The following USP49 variants were observed in gnomAD, a reference collection of about 807,000 sequenced individuals.
USP49 encodes the protein ubiquitin specific peptidase 49, also known as ubiquitin carboxyl-terminal hydrolase 49.
Under a neutral mutation model 58.6 loss-of-function variants are expected in USP49, and 24 were observed. That is an observed-to-expected ratio of 0.41 (90% CI 0.30 to 0.58). The LOEUF (loss-of-function observed/expected upper bound fraction) is 0.58, where lower values mean the gene tolerates loss of function less well. Among genes scored for constraint, USP49 ranks in the 20% least tolerant of loss-of-function variants. The pLI, the probability that USP49 is intolerant of heterozygous loss-of-function variation, is 0.30. For missense variants in USP49, 703 were observed against 866.1 expected (o/e 0.81, Z 2.36); for synonymous variants, 408 against 365.1 (o/e 1.12, Z -1.34).
intron 3 of USP49, among the ~76,000 whole-genome samples, chr6:41,820,995 C>T (rs775407204): frequency 8.6e-5 from 13 of 152,034 alleles, no homozygotes; most frequent in Non-Finnish European, 1.8e-4. Context: ...GAGCAAGACC[C>T]TGTCTCAAAA....
At chr6:41,841,147 C>T (rs1458577919) in intron 3 of USP49, among the ~76,000 whole-genome samples, 1 of 152,140 alleles carries the variant, frequency 6.6e-6, no homozygotes, top group Admixed American at 6.6e-5. Flanking sequence ...TACTCATTGT[C>T]TGTCTCCCAA....
intron 3 of USP49, among the ~76,000 whole-genome samples, chr6:41,835,937 G>A (rs902866168): frequency 6.6e-6 from 1 of 152,002 alleles, no homozygotes; most frequent in Non-Finnish European, 1.5e-5. Context: ...AATTAGCTGG[G>A]CATGGTAATG....
intron 3 of USP49, among the ~76,000 whole-genome samples, chr6:41,855,327 C>G (rs1774107830): frequency 6.6e-6 from 1 of 151,712 alleles, no homozygotes; most frequent in South Asian, 2.1e-4. Context: ...CCTGCCTGAC[C>G]AACATGGTGA....
chr6:41,832,944 T>C (rs1334352766), intron 3 of USP49: 1 of 152,210 alleles, frequency 6.6e-6, no homozygotes, highest in Non-Finnish European at 1.5e-5. Flanking sequence ...GCATCACTGA[T>C]TTTCTTGGCT....
chr6:41,839,890 A>T (rs1773792314), intron 3 of USP49, among the ~76,000 whole-genome samples: 1 of 152,096 alleles, frequency 6.6e-6, no homozygotes. Context: ...AGGTACAGTG[A>T]ATACTGCTTA....
Position 41,803,723 on chromosome 6 carries a change from G to T in USP49, c.1561+83C>A. ...ATTCAATATCATTAGTGTTACTTTT[G>T]ACTAAAGAGGACAAAGCAGCACCTT... On this transcript the variant is annotated intron_variant, in intron 5 of 7. Transcript: ENST00000682992. This position sits in a 1 kb window ranked among gnomAD's most constrained non-coding sequence, Gnocchi z 4.1. 7.0e-7 allele frequency: 1 copy of T among 1,426,510 alleles called. No individual in the cohort carries two copies. Among genetic ancestry groups the T allele is most frequent in the South Asian group, 1.2e-5 (1 of 83,032 alleles). 88.4% of individuals were successfully genotyped at this position (1,426,510 alleles called of 1,614,324 possible). A position where few individuals can be genotyped will look rare whatever the true frequency, so the allele number is the denominator to read the frequency against.
chr6:41,893,613 TCAC>T (rs1156317174), intron 1 of USP49, among the ~76,000 whole-genome samples: 3 of 152,182 alleles, frequency 2.0e-5, no homozygotes, highest in African/African-American at 7.2e-5. Context: ...CCCCGAATTA[TCAC>T]AACACTAGTG....
chr6:41,849,454 T>C (rs376586911), intron 3 of USP49, among the ~76,000 whole-genome samples: 16 of 152,180 alleles, frequency 1.1e-4, no homozygotes, highest in East Asian at 9.6e-4. Flanking sequence ...ATGGACCTAA[T>C]AGACATATAT....
At position 41,891,843 on chromosome 6, in the gene USP49, G is replaced by A. The variant is rs906582075; in HGVS notation, c.-152C>T. ...GACTGGAGTTGCAGGATAAACTAGAGGTCCTTTCAAGGTCTCTTCCCATCC... is the reference window on the plus strand; with the variant it reads ...GACTGGAGTTGCAGGATAAACTAGAAGTCCTTTCAAGGTCTCTTCCCATCC... On this transcript the variant is annotated 5_prime_UTR_variant, in exon 2 of 8. Transcript: ENST00000682992. 9 of 152,070 alleles carry A rather than the reference G, an allele frequency of 5.9e-5. 1 individual carries two copies. Among genetic ancestry groups the A allele is most frequent in the Middle Eastern group, 6.3e-3 (2 of 316 alleles). 9.4% of individuals were successfully genotyped at this position (152,070 alleles called of 1,614,324 possible).
chr6:41,794,526 C>T lies in USP49; in HGVS notation c.*2007G>A, dbSNP rs184699773. ...TGAGGCACGATTCATAGTTTCCTTT[C>T]CTTTTTACTCTCCTTGGTTTTTTTG... On this transcript the variant is annotated 3_prime_UTR_variant, in exon 8 of 8. Coordinates refer to ENST00000682992, the MANE Select transcript of USP49 (RefSeq NM_001286554.2). 2.3e-4 allele frequency: 35 copies of T among 152,228 alleles called. No homozygotes were observed. In the East Asian group the frequency reaches 6.6e-3, roughly 29 times the overall value. The allele number at this position is 152,228 out of a possible 1,614,324, so 9.4% of individuals were successfully genotyped here.
intron 3 of USP49, among the ~76,000 whole-genome samples, chr6:41,817,295 A>ATGTG (rs1773372067): frequency 7.7e-6 from 1 of 129,176 alleles, no homozygotes; most frequent in African/African-American, 2.9e-5. Context: ...CTACAGGCAC[A>ATGTG]CACCACCATG....
At chr6:41,844,555 C>T (rs955957727) in intron 3 of USP49, among the ~76,000 whole-genome samples, 6 of 152,124 alleles carry the variant, frequency 3.9e-5, no homozygotes, top group African/African-American at 9.6e-5. Flanking sequence ...CCTCATGATC[C>T]GCCTGTCTTG....
At chr6:41,839,312 G>C (rs1773779438) in intron 3 of USP49, among the ~76,000 whole-genome samples, 1 of 149,096 alleles carries the variant, frequency 6.7e-6, no homozygotes, top group South Asian at 2.1e-4. Context: ...AGGCTGAGGT[G>C]GGAAGATAGC....
Position 41,802,461 on chromosome 6 carries a change from TTTATTTA to T in USP49, c.1561+1338_1561+1344del, listed in dbSNP as rs1561902685. 2.5e-3 allele frequency among the ~76,000 whole-genome samples: 190 copies of T among 77,182 alleles called. 4 individuals carry two copies. The highest frequency in any genetic ancestry group is 0.01 in the African/African-American group (178 of 17,742). The allele number at this position is 77,182 out of a possible 152,430, so 50.6% of individuals were successfully genotyped here. ...ATTTATTTATTTATTTATTTATTTA[TTTATTTA>T]TTTTTTATTTATTTTTTTTTTTTGA... On this transcript the variant is annotated intron_variant, in intron 5 of 7. Transcript: ENST00000682992.
At chr6:41,856,695 T>G (rs1774138080) in intron 3 of USP49, among the ~76,000 whole-genome samples, 1 of 152,184 alleles carries the variant, frequency 6.6e-6, no homozygotes, top group South Asian at 2.1e-4. Context: ...GACTCCTCCC[T>G]TATCCACAGT....
intron 4 of USP49, 127 bp downstream of exon 4, chr6:41,805,501 C>T: frequency 9.8e-7 from 1 of 1,024,838 alleles, no homozygotes; most frequent in Non-Finnish European, 1.4e-6. Flanking sequence ...ATAATGGCCA[C>T]CCTCCAAATT....
chr6:41,859,103 C>CA (rs1774177528), intron 3 of USP49, among the ~76,000 whole-genome samples: 1 of 152,224 alleles, frequency 6.6e-6, no homozygotes, highest in African/African-American at 2.4e-5. Flanking sequence ...GGTCTTCCTG[C>CA]ATTCAGCCTA....
chr6:41,887,837 G>C (rs571284277), intron 2 of USP49, among the ~76,000 whole-genome samples: 21 of 152,002 alleles, frequency 1.4e-4, no homozygotes, highest in Non-Finnish European at 1.6e-4. Flanking sequence ...TTTACAATTT[G>C]ACATATAATA....
chr6:41,879,146 G>T (rs1437435902), intron 2 of USP49, among the ~76,000 whole-genome samples: 3 of 152,184 alleles, frequency 2.0e-5, no homozygotes, highest in Non-Finnish European at 4.4e-5. Context: ...TATAATCCCA[G>T]CACTTTCAGA....
Sources: gnomAD v4.1 joint callset for allele counts (sites outside exome capture counted in the v4.1 genomes callset) on GRCh38, gnomAD v4.1.1 for gene constraint, Gnocchi (gnomAD v3.1) non-coding constraint, MANE v1.5 for transcripts, NCBI Gene and HGNC (gene_info 2026-07-23, HGNC 2026-07-21) for gene names.